Variants in NECTIN3 observed in about 807,000 individuals in gnomAD.
NECTIN3 encodes the protein nectin-3.
Under a neutral mutation model 49.4 loss-of-function variants are expected in NECTIN3, and 8 were observed. That is an observed-to-expected ratio of 0.16 (90% CI 0.10 to 0.29). NECTIN3 has a LOEUF of 0.29. NECTIN3 is among the 10% of genes least tolerant of loss of function. The pLI is 1.00. For missense variants in NECTIN3, 581 were observed against 654.6 expected, an observed-to-expected ratio of 0.89 and a Z score of 1.23; for synonymous variants, 277 against 241.1, an observed-to-expected ratio of 1.15 and a Z score of -1.38.
intron 7 of NECTIN3, among the ~76,000 whole-genome samples, chr3:111,172,848 C>G (rs891341617): frequency 6.6e-6 from 1 of 152,166 alleles, no homozygotes; most frequent in Non-Finnish European, 1.5e-5. Flanking sequence ...CCTTTGTGTT[C>G]TACCCTATAT....
chr3:111,123,076 G>GT (rs569981011), intron 4 of NECTIN3, among the ~76,000 whole-genome samples: 88 of 150,182 alleles, frequency 5.9e-4, no homozygotes, highest in Middle Eastern at 3.4e-3. Context: ...TTTTTGGCCT[G>GT]TTTTCAGTTT....
intron 1 of NECTIN3, among the ~76,000 whole-genome samples, chr3:111,080,774 G>C (rs2031546606): frequency 6.6e-6 from 1 of 151,982 alleles, no homozygotes; most frequent in Non-Finnish European, 1.5e-5. Flanking sequence ...GGATACCACG[G>C]TGGAATGAGG....
chr3:111,150,114 A>T (rs1265604461), intron 7 of NECTIN3, among the ~76,000 whole-genome samples: 3 of 152,084 alleles, frequency 2.0e-5, no homozygotes, highest in Non-Finnish European at 2.9e-5. Context: ...CAGCTAAAAT[A>T]GTATTTAATC....
At chr3:111,181,451 A>C (rs556518641) in intron 7 of NECTIN3, among the ~76,000 whole-genome samples, 29 of 152,268 alleles carry the variant, frequency 1.9e-4, no homozygotes, top group Non-Finnish European at 4.0e-4. Flanking sequence ...TTCTGGTTTT[A>C]GTATCCAGAT....
At chr3:111,183,313 ATT>A (rs771872333) in intron 7 of NECTIN3, among the ~76,000 whole-genome samples, 23 of 137,106 alleles carry the variant, frequency 1.7e-4, no homozygotes, top group African/African-American at 1.9e-4. Context: ...CTATTTCACT[ATT>A]TTTTTTTTTT....
At chr3:111,154,694 G>T (rs2035064257) in intron 7 of NECTIN3, among the ~76,000 whole-genome samples, 1 of 151,980 alleles carries the variant, frequency 6.6e-6, no homozygotes, top group African/African-American at 2.4e-5. Flanking sequence ...ATAGTTGTGT[G>T]GTTGTGTTTT....
chr3:111,160,687 T>C (rs1207794981), intron 7 of NECTIN3, among the ~76,000 whole-genome samples: 2 of 152,088 alleles, frequency 1.3e-5, no homozygotes, highest in African/African-American at 4.8e-5. Flanking sequence ...GATGGAAAAA[T>C]TGGAACTAAT....
intron 4 of NECTIN3, among the ~76,000 whole-genome samples, chr3:111,123,188 A>G (rs1411019360): frequency 6.6e-6 from 1 of 152,124 alleles, no homozygotes; most frequent in African/African-American, 2.4e-5. Flanking sequence ...CAATAAAAAT[A>G]TGTTATTTTC....
At chr3:111,127,768 A>C (rs568087208) in intron 5 of NECTIN3, among the ~76,000 whole-genome samples, 1 of 151,690 alleles carries the variant, frequency 6.6e-6, no homozygotes. Flanking sequence ...TGGTCTCTCT[A>C]TGTTGTCCAG....
At chr3:111,108,542 A>G (rs367931644) in intron 1 of NECTIN3, among the ~76,000 whole-genome samples, 91 of 152,218 alleles carry the variant, frequency 6.0e-4, no homozygotes, top group African/African-American at 2.1e-3. Context: ...GGTGTGTATT[A>G]TAGTCCATTT....
At chr3:111,092,224 A>G (rs2032312066) in intron 1 of NECTIN3, among the ~76,000 whole-genome samples, 1 of 152,202 alleles carries the variant, frequency 6.6e-6, no homozygotes. Context: ...GTGTTCTGCA[A>G]ATGATTTCTT....
chr3:111,180,966 G>C (rs764133517), intron 7 of NECTIN3, among the ~76,000 whole-genome samples: 2 of 152,028 alleles, frequency 1.3e-5, no homozygotes, highest in Non-Finnish European at 2.9e-5. Flanking sequence ...TTGAGTTGGA[G>C]TTTACATAAT....
rs954454796 is a variant in NECTIN3 at position 111,137,445 on chromosome 3, G to A, written c.*3230G>A. The A allele has an allele frequency of 1.1e-6, 1 of 944,778 alleles. No homozygotes were observed. The highest frequency in any genetic ancestry group is 1.3e-6 in the Non-Finnish European group (1 of 795,878). The allele number at this position is 944,778 out of a possible 1,614,324, so 58.5% of individuals were successfully genotyped here. ...GGTTTTGTTGTGTTTGGTGTTTTTT[G>A]TTTTGTTTTGTTTTGTTTTGTTTTT... On this transcript the variant is annotated 3_prime_UTR_variant, in exon 6 of 6. Transcript: ENST00000485303.
intron 5 of NECTIN3, among the ~76,000 whole-genome samples, chr3:111,129,271 A>G (rs1379033969): frequency 6.6e-6 from 1 of 151,912 alleles, no homozygotes; most frequent in Non-Finnish European, 1.5e-5. Context: ...CTTTGCTACT[A>G]TTGGTCCCCT....
chr3:111,082,429 G>A (rs1316090704), intron 1 of NECTIN3, among the ~76,000 whole-genome samples: 1 of 151,994 alleles, frequency 6.6e-6, no homozygotes, highest in Non-Finnish European at 1.5e-5. Context: ...AGGGAATAGT[G>A]GATGGGGCCA....
intron 5 of NECTIN3, among the ~76,000 whole-genome samples, chr3:111,132,491 C>T (rs1407762958): frequency 6.6e-6 from 1 of 151,760 alleles, no homozygotes; most frequent in Non-Finnish European, 1.5e-5. Context: ...TAGGAGATTA[C>T]CATTTGGGTC....
At chr3:111,103,692 A>G (rs555737141) in intron 1 of NECTIN3, among the ~76,000 whole-genome samples, 1 of 152,016 alleles carries the variant, frequency 6.6e-6, no homozygotes, top group Non-Finnish European at 1.5e-5. Flanking sequence ...CTGTTGAAAA[A>G]GGAGTAGTGA....
chr3:111,126,565 A>G (rs1349290414), intron 5 of NECTIN3, among the ~76,000 whole-genome samples: 1 of 152,118 alleles, frequency 6.6e-6, no homozygotes, highest in Non-Finnish European at 1.5e-5. Flanking sequence ...AAGTTTATTT[A>G]CTTTTTGATG....
rs573763921 is a variant in NECTIN3, at chr3:111,134,975, G to GTT, written c.*770_*771dup. On this transcript the variant is annotated 3_prime_UTR_variant, in exon 6 of 6. Coordinates refer to ENST00000485303, the MANE Select transcript of NECTIN3 (RefSeq NM_015480.3). The stretch of plus-strand genomic sequence containing the variant: ...TACCTTTCAAACATGATAATTATTA[G>GTT]TTTTTTTTTTTCCTTTCTGGAACAT... The GTT allele has an allele frequency of 2.3e-4, 185 of 806,096 alleles. No homozygotes were observed. Among genetic ancestry groups the GTT allele is most frequent in the South Asian group, 2.8e-4 (5 of 17,696 alleles). The allele number at this position is 806,096 out of a possible 1,614,324, so 49.9% of individuals were successfully genotyped here. A position where few individuals can be genotyped will look rare whatever the true frequency, so the allele number is the denominator to read the frequency against.
Sources: allele counts gnomAD v4.1 joint callset (sites outside exome capture counted in the v4.1 genomes callset), GRCh38; gene constraint gnomAD v4.1.1; transcripts MANE v1.5; gene names NCBI Gene and HGNC (gene_info 2026-07-23, HGNC 2026-07-21).